WDPCP: variants seen among roughly 807,000 people sequenced by gnomAD.
The protein encoded by WDPCP is WD repeat-containing and planar cell polarity effector protein fritz homolog.
A neutral mutation model predicts 93.1 loss-of-function variants in WDPCP; 71 were observed. That is an observed-to-expected ratio of 0.76 (90% CI 0.63 to 0.93). The LOEUF (loss-of-function observed/expected upper bound fraction) is 0.93, where lower values mean the gene tolerates loss of function less well. Ranked by LOEUF, WDPCP falls within the 40% of genes least tolerant of loss-of-function variation. The probability of loss-of-function intolerance (pLI) is 0.00; values close to 1 mark genes in which losing one functional copy is unlikely to be tolerated. For synonymous variants in WDPCP, 315 were observed against 315.0 expected (o/e 1.00, Z 0.00); for missense variants, 844 against 887.4 (o/e 0.95, Z 0.62).
At chr2:63,406,728 A>AG (rs1694620341) in intron 9 of WDPCP, among the ~76,000 whole-genome samples, 3 of 152,180 alleles carry the variant, frequency 2.0e-5, no homozygotes, top group Non-Finnish European at 4.4e-5. Context: ...TAATGTACTG[A>AG]GGGGAACTTA....
chr2:63,452,292 C>A (rs1157070457), intron 6 of WDPCP, among the ~76,000 whole-genome samples: 1 of 152,150 alleles, frequency 6.6e-6, no homozygotes, highest in Non-Finnish European at 1.5e-5. Flanking sequence ...TTCTTATGCA[C>A]CCATAACAGA....
At chr2:63,481,708 A>G (rs1391112972) in intron 6 of WDPCP, among the ~76,000 whole-genome samples, 2 of 151,902 alleles carry the variant, frequency 1.3e-5, no homozygotes, top group Non-Finnish European at 2.9e-5. Context: ...CAAAGGCATA[A>G]GAATGATACA....
At chr2:63,220,826 A>G (rs546170106) in intron 14 of WDPCP, among the ~76,000 whole-genome samples, 1 of 152,200 alleles carries the variant, frequency 6.6e-6, no homozygotes, top group Admixed American at 6.5e-5. Context: ...CCCTGCATGC[A>G]TTAGCTATAT....
rs569921302 is a variant in WDPCP, at chr2:63,555,031, C to T, written c.75+33166G>A. ...TCATGCCAGCAGGGCCTTAGTCTAA[C>T]GCACAGAGATGTGCAGATTCTTTAC... On this transcript the variant is annotated intron_variant, in intron 1 of 17. Transcript: ENST00000272321. Among the ~76,000 whole-genome samples the T allele has an allele frequency of 1.4e-4, 22 of 152,356 alleles. No homozygotes were observed. The South Asian group carries it at 3.5e-3, about 24-fold the overall frequency.
At chr2:63,700,306 A>AAAAAAAG in intron 2 of WDPCP, among the ~76,000 whole-genome samples, 1 of 146,140 alleles carries the variant, frequency 6.8e-6, no homozygotes, top group South Asian at 2.2e-4. Flanking sequence ...AAAAAAAACA[A>AAAAAAAG]AAAGAAAAAA....
intron 3 of WDPCP, among the ~76,000 whole-genome samples, chr2:63,641,710 C>A (rs554741981): frequency 2.6e-5 from 4 of 152,192 alleles, no homozygotes; most frequent in African/African-American, 9.6e-5. Flanking sequence ...GTCAGATGGG[C>A]AGCTTGCAAA....
chr2:63,748,092 T>C (rs918474438), intron 2 of WDPCP, among the ~76,000 whole-genome samples: 1 of 151,968 alleles, frequency 6.6e-6, no homozygotes, highest in Admixed American at 6.6e-5. Context: ...TAGAGTTTTA[T>C]ATTGAGTTGG....
Position 63,349,544 on chromosome 2 carries a change from A to C in WDPCP, c.1748+28842T>G, listed in dbSNP as rs139437410. On this transcript the variant is annotated intron_variant, in intron 12 of 17. Coordinates refer to ENST00000272321, the MANE Select transcript of WDPCP (RefSeq NM_015910.7). ...TGATTAAATTATAACATCATACAAA[A>C]ATTAAAGGTTTATTGGCATTTTCAT... Among the ~76,000 whole-genome samples, 196 of 152,298 alleles carry C rather than the reference A, an allele frequency of 1.3e-3. 4 individuals are homozygous for C. The East Asian group carries it at 0.036, about 28-fold the overall frequency.
intron 2 of WDPCP, among the ~76,000 whole-genome samples, chr2:63,675,432 G>A (rs1181842380): frequency 6.6e-6 from 1 of 152,120 alleles, no homozygotes; most frequent in African/African-American, 2.4e-5. Flanking sequence ...TAAGGGAATG[G>A]TTCTAAAGTG....
intron 1 of WDPCP, among the ~76,000 whole-genome samples, chr2:63,558,231 T>C (rs773136033): frequency 6.6e-6 from 1 of 151,790 alleles, no homozygotes; most frequent in Admixed American, 6.6e-5. Flanking sequence ...CTAGCTAAAC[T>C]AATAAAGAAG....
rs972866181 is a variant in WDPCP, at chr2:63,356,258, G to A, written c.1748+22128C>T. 5.9e-5 allele frequency among the ~76,000 whole-genome samples: 9 copies of A among 152,208 alleles called. No homozygotes were observed. The South Asian group carries it at 1.9e-3, about 32-fold the overall frequency. On this transcript the variant is annotated intron_variant, in intron 12 of 17. Transcript: ENST00000272321. ...CTCAATATATATGACCCCAACACAGGAGCCTTCAGATTCATATAGCAAGCT... is the reference window on the plus strand; with the variant it reads ...CTCAATATATATGACCCCAACACAGAAGCCTTCAGATTCATATAGCAAGCT...
intron 2 of WDPCP, among the ~76,000 whole-genome samples, chr2:63,690,056 C>G (rs765160661): frequency 3.3e-5 from 5 of 152,140 alleles, no homozygotes; most frequent in Non-Finnish European, 5.9e-5. Context: ...TTAAAGATGT[C>G]AAGAATGAGG....
At chr2:63,669,271 T>C (rs1304926698) in intron 2 of WDPCP, among the ~76,000 whole-genome samples, 2 of 152,144 alleles carry the variant, frequency 1.3e-5, no homozygotes, top group African/African-American at 4.8e-5. Context: ...GAGTACAAAG[T>C]AGTAAAATGT....
chr2:63,684,392 T>G, intron 2 of WDPCP: 1 of 790,238 alleles, frequency 1.3e-6, no homozygotes, highest in South Asian at 1.4e-5. Context: ...TGAAGAACAT[T>G]GATGATGGCA....
intron 3 of WDPCP, among the ~76,000 whole-genome samples, chr2:63,640,337 A>G (rs1457928872): frequency 1.3e-5 from 2 of 152,160 alleles, no homozygotes; most frequent in Non-Finnish European, 1.5e-5. Context: ...AAACCTGCAC[A>G]TGAAAAATTA....
chr2:63,184,091 A>G lies in WDPCP; in HGVS notation c.1916-9259T>C, dbSNP rs541682622. Among the ~76,000 whole-genome samples, 25 of 152,122 alleles carry G rather than the reference A, an allele frequency of 1.6e-4. No individual in the cohort carries two copies. In the East Asian group the frequency reaches 3.9e-3, roughly 24 times the overall value. ...TTAAAAAACCCATCTGCCAATCTAT[A>G]CCTTTTAAATTAAGCATTTTATCTA... On this transcript the variant is annotated intron_variant, in intron 14 of 17. Transcript: ENST00000272321.
chr2:63,473,711 T>A (rs1558682220), intron 6 of WDPCP, among the ~76,000 whole-genome samples: 1 of 152,220 alleles, frequency 6.6e-6, no homozygotes, highest in Non-Finnish European at 1.5e-5. Flanking sequence ...TGACTTTACA[T>A]CTTTTTTTTC....
At position 63,813,772 on chromosome 2, in the gene WDPCP, C is replaced by T. The variant is rs928053429; in HGVS notation, n.223-65G>A. The stretch of plus-strand genomic sequence containing the variant: ...ATTTATTGAATGAATGGATAAATGT[C>T]TTATATAAAGCCATTCCTTATTCTC... On this transcript the variant is annotated intron_variant and non_coding_transcript_variant, in intron 1 of 4. Transcript: ENST00000467687. 30 of 152,224 alleles carry T rather than the reference C, an allele frequency of 2.0e-4. 1 individual carries two copies. The highest frequency in any genetic ancestry group is 1.8e-3 in the Admixed American group (27 of 15,292). The allele number at this position is 152,224 out of a possible 1,614,324, so 9.4% of individuals were successfully genotyped here.
chr2:63,548,827 C>A (rs753933258), intron 1 of WDPCP, among the ~76,000 whole-genome samples: 3 of 151,868 alleles, frequency 2.0e-5, no homozygotes, highest in Non-Finnish European at 4.4e-5. Context: ...AGCTAGAACT[C>A]AACCAAAAAA....
Sources: allele counts gnomAD v4.1 joint callset (sites outside exome capture counted in the v4.1 genomes callset), GRCh38; gene constraint gnomAD v4.1.1; transcripts MANE v1.5; gene names NCBI Gene and HGNC (gene_info 2026-07-23, HGNC 2026-07-21).